The following ARHGAP6 variants were observed in gnomAD, a reference collection of about 807,000 sequenced individuals.
ARHGAP6 encodes Rho GTPase activating protein 6, also known as rho GTPase-activating protein 6.
A neutral mutation model predicts 55.7 loss-of-function variants in ARHGAP6; 16 were observed. That is an observed-to-expected ratio of 0.29 (90% confidence interval 0.19 to 0.44). The LOEUF (loss-of-function observed/expected upper bound fraction) is 0.44, where lower values mean the gene tolerates loss of function less well. Among genes scored for constraint, ARHGAP6 ranks in the 20% least tolerant of loss-of-function variants. The pLI, the probability that ARHGAP6 is intolerant of heterozygous loss-of-function variation, is 1.00. For synonymous variants in ARHGAP6, 382 were observed against 360.9 expected, an observed-to-expected ratio of 1.06 and a Z score of -0.66; for missense variants, 698 against 808.9, an observed-to-expected ratio of 0.86 and a Z score of 1.66.
chrX:11,139,146 G>A lies in ARHGAP6; in HGVS notation c.2642C>T (p.Pro881Leu), dbSNP rs779590505. The change falls in exon 13 of 13, where the codon CCG (proline) becomes CTG (leucine). Residue 881 changes from proline (P) to leucine (L), a missense_variant. Pro to Leu is a moderately conservative substitution (Grantham distance 98, BLOSUM62 -3). Transcript: ENST00000337414. ...CTTCCCTGGGCCCGGGTATGGAGGC[G>A]GGGGCCGCTTGTCATCCCTCCCACT... ...HGSGRDDKRP[P>L]PPYPGPGKPA... 10 of 1,204,272 alleles carry A rather than the reference G, an allele frequency of 8.3e-6. No homozygotes were observed. The South Asian group carries it at 8.9e-5, about 11-fold the overall frequency.
intron 1 of ARHGAP6, among the ~76,000 whole-genome samples, chrX:11,524,397 A>T (rs916991379): frequency 8.9e-6 from 1 of 112,021 alleles, no homozygotes; most frequent in Non-Finnish European, 1.9e-5. Flanking sequence ...AATATACTGA[A>T]AGTGACAATC....
At chrX:11,220,182 A>C (rs1454365471) in intron 2 of ARHGAP6, among the ~76,000 whole-genome samples, 3 of 110,523 alleles carry the variant, frequency 2.7e-5, no homozygotes, top group African/African-American at 9.9e-5. Flanking sequence ...CAGGTTTGTC[A>C]AAGATCAGAT....
chrX:11,144,391 A>C lies in ARHGAP6; in HGVS notation c.1908-143T>G, dbSNP rs988867496. 1.1e-5 allele frequency: 9 copies of C among 826,276 alleles called. No individual in the cohort carries two copies. In the African/African-American group the frequency reaches 1.4e-4, roughly 13 times the overall value. 68.1% of individuals were successfully genotyped at this position (826,276 alleles called of 1,213,427 possible). A position where few individuals can be genotyped will look rare whatever the true frequency, so the allele number is the denominator to read the frequency against. On this transcript the variant is annotated intron_variant, in intron 10 of 12. Transcript: ENST00000337414. ...AAAAGACCATTTTGAGCAATGTTCC[A>C]AGACATGTACATCCATGACGTGAAA...
chrX:11,592,561 A>G (rs2051848633), intron 1 of ARHGAP6, among the ~76,000 whole-genome samples: 1 of 111,295 alleles, frequency 9.0e-6, no homozygotes, highest in African/African-American at 3.3e-5. Context: ...GGTATATAAT[A>G]TATACAAAAA....
chrX:11,320,433 A>G (rs943652476), intron 1 of ARHGAP6, among the ~76,000 whole-genome samples: 1 of 111,644 alleles, frequency 9.0e-6, no homozygotes, highest in Admixed American at 9.5e-5. Context: ...AGTTGGGGAA[A>G]GTTTCATATT....
intron 2 of ARHGAP6, 143 bp from the exon 3 acceptor site, chrX:11,197,139 A>T (rs1478074218): frequency 9.6e-6 from 4 of 415,820 alleles, no homozygotes; most frequent in Non-Finnish European, 1.7e-5. Context: ...CAGCTCTGAG[A>T]ATACATGAAA....
In ARHGAP6 at chrX:11,580,769, T is replaced by C. The variant is rs368603533; in HGVS notation, c.588+83472A>G. On this transcript the variant is annotated intron_variant, in intron 1 of 12. Transcript: ENST00000337414. ...TATATTATATTTTACATTTCTCTAA[T>C]ACTTCCATTTGTGGAAGTGAATATA... Among the ~76,000 whole-genome samples, 12 of 112,656 alleles carry C rather than the reference T, an allele frequency of 1.1e-4. No individual in the cohort carries two copies. In the East Asian group the frequency reaches 3.3e-3, roughly 31 times the overall value.
intron 1 of ARHGAP6, among the ~76,000 whole-genome samples, chrX:11,518,870 T>G (rs1468658353): frequency 3.5e-5 from 3 of 85,524 alleles, no homozygotes; most frequent in Non-Finnish European, 6.6e-5. Context: ...CACCTATGAG[T>G]GAGAATATGC....
intron 1 of ARHGAP6, among the ~76,000 whole-genome samples, chrX:11,567,566 A>AAAAAAAATATATATATAT (rs1440758737): frequency 1.2e-5 from 1 of 84,403 alleles, no homozygotes; most frequent in African/African-American, 4.7e-5. Flanking sequence ...AAAAAAAAAA[A>AAAAAAAATATATATATAT]ATATATATAT....
At chrX:11,562,905 C>T (rs2051401963) in intron 1 of ARHGAP6, among the ~76,000 whole-genome samples, 1 of 112,267 alleles carries the variant, frequency 8.9e-6, no homozygotes, top group Admixed American at 9.5e-5. Flanking sequence ...ATTTGATTCA[C>T]CTTCTAATTT....
chrX:11,195,604 C>A (rs1267648250), intron 3 of ARHGAP6, among the ~76,000 whole-genome samples: 1 of 110,253 alleles, frequency 9.1e-6, no homozygotes, highest in African/African-American at 3.3e-5. Context: ...CAAGTGGGAG[C>A]TAAACATGTT....
At chrX:11,345,781 T>C (rs768773970) in intron 1 of ARHGAP6, among the ~76,000 whole-genome samples, 6 of 111,248 alleles carry the variant, frequency 5.4e-5, no homozygotes, top group Non-Finnish European at 1.1e-4. Context: ...ATCTTAGTAG[T>C]TGAATTTTTT....
At chrX:11,205,944 G>A (rs2046699039) in intron 2 of ARHGAP6, among the ~76,000 whole-genome samples, 1 of 112,174 alleles carries the variant, frequency 8.9e-6, no homozygotes, top group African/African-American at 3.2e-5. Context: ...AGTATTGACA[G>A]CTATTAGATA....
At chrX:11,529,884 C>A (rs2051030189) in intron 1 of ARHGAP6, among the ~76,000 whole-genome samples, 1 of 111,727 alleles carries the variant, frequency 9.0e-6, no homozygotes, top group Non-Finnish European at 1.9e-5. Context: ...GGAAATACAA[C>A]TTATTTCTGT....
intron 1 of ARHGAP6, among the ~76,000 whole-genome samples, chrX:11,507,412 AT>A (rs2050745282): frequency 9.0e-6 from 1 of 111,263 alleles, no homozygotes; most frequent in Non-Finnish European, 1.9e-5. Flanking sequence ...AACAAGGGAT[AT>A]TTGCTCAGGT....
chrX:11,353,738 G>C (rs149169527), intron 1 of ARHGAP6, among the ~76,000 whole-genome samples: 85 of 110,655 alleles, frequency 7.7e-4, no homozygotes, highest in South Asian at 1.5e-3. Flanking sequence ...TGTCTGACCC[G>C]TCACTTCTAT....
At chrX:11,303,233 AT>A (rs1411746214) in intron 1 of ARHGAP6, among the ~76,000 whole-genome samples, 1 of 112,383 alleles carries the variant, frequency 8.9e-6, no homozygotes, top group Non-Finnish European at 1.9e-5. Context: ...TATTTTTGTG[AT>A]TTGGCTTTCA....
At chrX:11,389,677 G>A in intron 1 of ARHGAP6, among the ~76,000 whole-genome samples, 1 of 112,325 alleles carries the variant, frequency 8.9e-6, no homozygotes, top group Non-Finnish European at 1.9e-5. Flanking sequence ...GGAAAAAAAG[G>A]CTTTTCAAGC....
intron 1 of ARHGAP6, among the ~76,000 whole-genome samples, chrX:11,540,902 C>T (rs1292961113): frequency 8.9e-6 from 1 of 112,455 alleles, no homozygotes; most frequent in Non-Finnish European, 1.9e-5. Context: ...AGCCAAACAG[C>T]TGCTGTGCAC....
Sources: gnomAD v4.1 joint callset for allele counts (sites outside exome capture counted in the v4.1 genomes callset) on GRCh38, gnomAD v4.1.1 for gene constraint, MANE v1.5 for transcripts, NCBI Gene and HGNC (gene_info 2026-07-23, HGNC 2026-07-21) for gene names.